The following UGT1A5 variants were observed in gnomAD, a reference collection of about 807,000 sequenced individuals.
UGT1A5 encodes the protein UDP-glucuronosyltransferase 1A5.
A neutral mutation model predicts 40.3 loss-of-function variants in UGT1A5; 29 were observed. The observed-to-expected ratio is 0.72, with a 90% CI of 0.54 to 0.98. UGT1A5 has a LOEUF of 0.98. Ranked by LOEUF, UGT1A5 falls within the 50% of genes least tolerant of loss-of-function variation. The pLI, the probability that UGT1A5 is intolerant of heterozygous loss-of-function variation, is 0.00. For synonymous variants in UGT1A5, 257 were observed against 262.5 expected (o/e 0.98, Z 0.20); for missense variants, 678 against 677.9 (o/e 1.00, Z 0.00).
At chr2:233,715,879 C>T (rs1410006129) in intron 1 of UGT1A5, among the ~76,000 whole-genome samples, 3 of 152,094 alleles carry the variant, frequency 2.0e-5, no homozygotes, top group African/African-American at 7.2e-5. Context: ...GTGCCTGTGG[C>T]CCCAGCTACT....
chr2:233,726,266 G>A (rs1303281171), intron 1 of UGT1A5, among the ~76,000 whole-genome samples: 5 of 152,134 alleles, frequency 3.3e-5, no homozygotes, highest in East Asian at 1.9e-4. Context: ...AGTGGCATGC[G>A]CCTATGGTCC....
Position 233,761,122 on chromosome 2 carries a change from A to T in UGT1A5, c.868-5912A>T, listed in dbSNP as rs397978903. 136 of 1,614,116 alleles carry T rather than the reference A, an allele frequency of 8.4e-5. No individual in the cohort carries two copies. Among genetic ancestry groups the T allele is most frequent in the Non-Finnish European group, 1.1e-4 (124 of 1,180,046 alleles). On this transcript the variant is annotated intron_variant, in intron 1 of 4. Coordinates refer to ENST00000373414, the MANE Select transcript of UGT1A5 (RefSeq NM_019078.2). The stretch of plus-strand genomic sequence containing the variant: ...CAATATGGTTTTTGTTGGTGGAATC[A>T]ACTGCCTTCACCAAAATCCACTATC...
chr2:233,717,190 G>A (rs932422253), intron 1 of UGT1A5, among the ~76,000 whole-genome samples: 1 of 152,160 alleles, frequency 6.6e-6, no homozygotes, highest in African/African-American at 2.4e-5. Flanking sequence ...ACCCTCCCAG[G>A]CATGTTCCAC....
At chr2:233,762,782 TCTA>T (rs770561040) in intron 1 of UGT1A5, among the ~76,000 whole-genome samples, 8 of 152,166 alleles carry the variant, frequency 5.3e-5, no homozygotes, top group Non-Finnish European at 7.4e-5. Flanking sequence ...TAGCTGATTA[TCTA>T]CTCATTACTC....
Position 233,769,484 on chromosome 2 carries a change from T to C in UGT1A5, c.1307+1045T>C, listed in dbSNP as rs774504306. 6.2e-6 allele frequency: 10 copies of C among 1,612,518 alleles called. No homozygotes were observed. The South Asian group carries it at 9.9e-5, about 16-fold the overall frequency. Reference sequence around the variant, plus strand: ...ATATGCGTGTGTGTGTGTGTGCGTGTGTTTATGAGAGTGTCCATTGCTTTC... The same window carrying C: ...ATATGCGTGTGTGTGTGTGTGCGTGCGTTTATGAGAGTGTCCATTGCTTTC... On this transcript the variant is annotated intron_variant, in intron 4 of 4. Coordinates refer to ENST00000373414, the MANE Select transcript of UGT1A5 (RefSeq NM_019078.2). This position sits in a 1 kb window ranked among gnomAD's most constrained non-coding sequence, Gnocchi z 4.4.
chr2:233,768,949 T>G (rs973201287), intron 4 of UGT1A5, among the ~76,000 whole-genome samples: 26 of 152,212 alleles, frequency 1.7e-4, no homozygotes, highest in Admixed American at 1.5e-3. Context: ...TTAGTTTCTA[T>G]ATAATTTATC....
intron 1 of UGT1A5, chr2:233,719,244 A>C (rs375836466): frequency 1.5e-5 from 24 of 1,614,126 alleles, no homozygotes; most frequent in African/African-American, 6.7e-5. Context: ...CAGGCACCTG[A>C]ATGCTACTTC....
chr2:233,736,730 T>C (rs1173879168), intron 1 of UGT1A5, among the ~76,000 whole-genome samples: 2 of 152,186 alleles, frequency 1.3e-5, no homozygotes, highest in African/African-American at 2.4e-5. Flanking sequence ...TTGATGTTTA[T>C]GCTGTTCCTT....
chr2:233,763,945 G>T (rs1405755046), intron 1 of UGT1A5, among the ~76,000 whole-genome samples: 1 of 152,190 alleles, frequency 6.6e-6, no homozygotes, highest in South Asian at 2.1e-4. Context: ...GGAAAGCTTG[G>T]GAGCAGGGAA....
intron 1 of UGT1A5, chr2:233,760,528 G>A (rs2125985500): frequency 1.2e-6 from 2 of 1,614,248 alleles, no homozygotes; most frequent in East Asian, 4.5e-5. Context: ...GACGTACCCT[G>A]TGCCATTCCA....
At position 233,756,026 on chromosome 2, in the gene UGT1A5, C is replaced by A. The variant is rs573577160; in HGVS notation, c.868-11008C>A. The stretch of plus-strand genomic sequence containing the variant: ...TATCTATTGTGATATTACACATCCC[C>A]CATGTAGCTTCTGGAAAACTCCACT... On this transcript the variant is annotated intron_variant, in intron 1 of 4. Transcript: ENST00000373414. 66 of 152,322 alleles carry A rather than the reference C, an allele frequency of 4.3e-4. 1 individual carries two copies. The highest frequency in any genetic ancestry group is 1.5e-3 in the African/African-American group (63 of 41,570). The allele number at this position is 152,322 out of a possible 1,614,324, so 9.4% of individuals were successfully genotyped here. A position where few individuals can be genotyped will look rare whatever the true frequency, so the allele number is the denominator to read the frequency against.
At chr2:233,757,535 A>AATATATATACATATATATATATAT (rs376887521) in intron 1 of UGT1A5, among the ~76,000 whole-genome samples, 7 of 88,250 alleles carry the variant, frequency 7.9e-5, no homozygotes, top group Non-Finnish European at 1.1e-4. Flanking sequence ...GCCTGTAAGG[A>AATATATATACATATATATATATAT]ATATATATAT....
rs776318563 is a variant in UGT1A5, at chr2:233,713,817, A to G, written c.826A>G (p.Ile276Val). 1.2e-6 allele frequency: 2 copies of G among 1,614,092 alleles called. No homozygotes were observed. The highest frequency in any genetic ancestry group is 1.1e-5 in the South Asian group (1 of 91,072). ...GCCGATCATGCCCAACATGGTCTTCATTGGGGGCATCAACTGTGCCAACGG... is the reference window on the plus strand; with the variant it reads ...GCCGATCATGCCCAACATGGTCTTCGTTGGGGGCATCAACTGTGCCAACGG... The part of the protein sequence containing the change: ...PRPIMPNMVF[I>V]GGINCANGKP... The change falls in exon 1 of 5, where the codon ATT becomes GTT. Residue 276 changes from isoleucine to valine, a missense_variant. Physicochemically the swap from Ile to Val is conservative, Grantham distance 29. Transcript: ENST00000373414.
chr2:233,725,598 A>C (rs2077461459), intron 1 of UGT1A5, among the ~76,000 whole-genome samples: 1 of 152,158 alleles, frequency 6.6e-6, no homozygotes, highest in Admixed American at 6.5e-5. Flanking sequence ...TATTTGACAT[A>C]GTTTTTTCTT....
chr2:233,765,571 G>A (rs997936570), intron 1 of UGT1A5, among the ~76,000 whole-genome samples: 4 of 152,064 alleles, frequency 2.6e-5, no homozygotes, highest in Admixed American at 2.0e-4. Flanking sequence ...ATGCGTAGAC[G>A]CAGGGAGGGG....
In UGT1A5 at chr2:233,713,396, G is replaced by C; in HGVS notation, c.405G>C (p.Glu135Asp). ...CTTGTGTGGAGCTACTGCATAATGA[G>C]GCCCTGATCAGGCACCTGCATGCTA... ...HRSCVELLHN[E>D]ALIRHLHATS... The change falls in exon 1 of 5, where the codon GAG (glutamate) becomes GAC (aspartate). Residue 135 changes from glutamate to aspartate, a missense_variant. Physicochemically the swap from Glu to Asp is conservative, Grantham distance 45. Transcript: ENST00000373414. The C allele has an allele frequency of 6.2e-7, 1 of 1,614,032 alleles. No homozygotes were observed. The highest frequency in any genetic ancestry group is 2.2e-5 in the East Asian group (1 of 44,874).
At chr2:233,721,865 G>T in intron 1 of UGT1A5, 1 of 504,992 alleles carries the variant, frequency 2.0e-6, no homozygotes, top group South Asian at 1.4e-5. Context: ...TCGGCCCTGG[G>T]CACACTTGCC....
chr2:233,768,990 A>C (rs1198274565), intron 4 of UGT1A5, among the ~76,000 whole-genome samples: 1 of 152,146 alleles, frequency 6.6e-6, no homozygotes, highest in Admixed American at 6.5e-5. Context: ...TATTTCCCCC[A>C]TTAGATTTAA....
intron 1 of UGT1A5, among the ~76,000 whole-genome samples, chr2:233,716,995 G>T (rs1230366985): frequency 6.6e-6 from 1 of 152,142 alleles, no homozygotes; most frequent in Non-Finnish European, 1.5e-5. Flanking sequence ...GCTGTCCTCA[G>T]GGCCCCTATG....
Sources: allele counts gnomAD v4.1 joint callset (sites outside exome capture counted in the v4.1 genomes callset), GRCh38; gene constraint gnomAD v4.1.1; non-coding constraint Gnocchi (gnomAD v3.1); transcripts MANE v1.5; gene names NCBI Gene and HGNC (gene_info 2026-07-23, HGNC 2026-07-21).